HS3ST5: variants seen among roughly 807,000 people sequenced by gnomAD.
The protein encoded by HS3ST5 is heparan sulfate-glucosamine 3-sulfotransferase 5.
A neutral mutation model predicts 25.4 loss-of-function variants in HS3ST5; 10 were observed. The ratio of observed to expected loss-of-function variants is 0.39; its 90% confidence interval spans 0.24 to 0.67. HS3ST5 has a LOEUF of 0.67. HS3ST5 is among the 30% of genes least tolerant of loss of function. The probability of loss-of-function intolerance (pLI) is 0.44; values close to 1 mark genes in which losing one functional copy is unlikely to be tolerated. For missense variants in HS3ST5, 324 were observed against 420.7 expected, an observed-to-expected ratio of 0.77 and a Z score of 2.01; for synonymous variants, 170 against 162.4, an observed-to-expected ratio of 1.05 and a Z score of -0.36.
rs144951824 is a variant in HS3ST5 at position 114,261,185 on chromosome 6, T to C, written c.-338-32407A>G. Among the ~76,000 whole-genome samples the C allele has an allele frequency of 2.9e-3, 436 of 152,228 alleles. 3 individuals are homozygous for C. Among genetic ancestry groups the C allele is most frequent in the African/African-American group, 0.01 (422 of 41,538 alleles). ...GAAAAAAAATGAGGGGTTAGAGCAG[T>C]AGGTATGAAAGATAGGACTGAGAGA... On this transcript the variant is annotated intron_variant, in intron 1 of 4. Transcript: ENST00000312719.
intron 3 of HS3ST5, among the ~76,000 whole-genome samples, chr6:114,109,078 G>A (rs1441229677): frequency 6.6e-6 from 1 of 152,070 alleles, no homozygotes; most frequent in Non-Finnish European, 1.5e-5. Context: ...CAGGAGGACT[G>A]CTTAAGCCTG....
intron 1 of HS3ST5, among the ~76,000 whole-genome samples, chr6:114,335,306 G>GC (rs1409458124): frequency 1.2e-4 from 16 of 139,118 alleles, no homozygotes; most frequent in African/African-American, 4.2e-4. Context: ...TAAATGAGTG[G>GC]CAAAAAAAAA....
intron 1 of HS3ST5, among the ~76,000 whole-genome samples, chr6:114,233,274 T>A (rs1429204015): frequency 1.3e-5 from 2 of 152,196 alleles, no homozygotes; most frequent in African/African-American, 4.8e-5. Context: ...CATTACTTCA[T>A]ACCCTATAAT....
intron 3 of HS3ST5, among the ~76,000 whole-genome samples, chr6:114,111,034 A>C (rs1272515395): frequency 1.3e-5 from 2 of 152,022 alleles, no homozygotes; most frequent in Non-Finnish European, 2.9e-5. Context: ...TTCATATCCA[A>C]CTCATATTCA....
chr6:114,183,807 G>C (rs766613659), intron 2 of HS3ST5, among the ~76,000 whole-genome samples: 7 of 152,144 alleles, frequency 4.6e-5, no homozygotes, highest in Non-Finnish European at 8.8e-5. Flanking sequence ...AGAATACACA[G>C]ATAATCATGT....
rs1778317666 is a variant in HS3ST5 at position 114,149,076 on chromosome 6, A to C, written c.-33+19275T>G. 2.6e-5 allele frequency among the ~76,000 whole-genome samples: 4 copies of C among 152,234 alleles called. No homozygotes were observed. The South Asian group carries it at 8.3e-4, about 32-fold the overall frequency. On this transcript the variant is annotated intron_variant, in intron 3 of 4. Transcript: ENST00000312719. ...AAATGGTGATTATTAAAAAGTCAGGAAACAACAGATGCTGGTGAGGCTGTG... is the reference window on the plus strand; with the variant it reads ...AAATGGTGATTATTAAAAAGTCAGGCAACAACAGATGCTGGTGAGGCTGTG...
intron 3 of HS3ST5, among the ~76,000 whole-genome samples, chr6:114,095,939 C>T (rs1316849014): frequency 1.3e-5 from 2 of 152,124 alleles, no homozygotes; most frequent in African/African-American, 4.8e-5. Flanking sequence ...TAATCATTTA[C>T]AGTATAGTTC....
At chr6:114,248,776 A>AC (rs1772505986) in intron 1 of HS3ST5, among the ~76,000 whole-genome samples, 1 of 152,252 alleles carries the variant, frequency 6.6e-6, no homozygotes, top group South Asian at 2.1e-4. Context: ...TTTTAGGAAA[A>AC]TAAAAGTTAC....
intron 3 of HS3ST5, among the ~76,000 whole-genome samples, chr6:114,096,619 A>G (rs1320073797): frequency 6.6e-6 from 1 of 152,194 alleles, no homozygotes; most frequent in East Asian, 1.9e-4. Flanking sequence ...CATAAAGGGA[A>G]GTCAACTTGG....
chr6:114,081,461 C>T (rs1483625528), intron 3 of HS3ST5, among the ~76,000 whole-genome samples: 1 of 151,966 alleles, frequency 6.6e-6, no homozygotes, highest in African/African-American at 2.4e-5. Flanking sequence ...TGTAAAAGTA[C>T]AGAACTTAGA....
At chr6:114,086,352 T>C (rs764363666) in intron 3 of HS3ST5, among the ~76,000 whole-genome samples, 2 of 152,152 alleles carry the variant, frequency 1.3e-5, no homozygotes, top group Non-Finnish European at 2.9e-5. Context: ...ATTAACATAG[T>C]GTTGCTAGTT....
chr6:114,162,865 A>G (rs911033085), intron 3 of HS3ST5, among the ~76,000 whole-genome samples: 11 of 152,226 alleles, frequency 7.2e-5, no homozygotes, highest in African/African-American at 2.2e-4. Context: ...TTTTTTAAGC[A>G]TGATTTATTT....
intron 1 of HS3ST5, among the ~76,000 whole-genome samples, chr6:114,320,504 C>T (rs998190850): frequency 1.3e-5 from 2 of 152,166 alleles, no homozygotes; most frequent in East Asian, 1.9e-4. Context: ...CATATTAATT[C>T]GATTGCATCA....
Position 114,181,211 on chromosome 6 carries a change from G to A in HS3ST5, c.-144-12749C>T, listed in dbSNP as rs146837254. 6.0e-3 allele frequency among the ~76,000 whole-genome samples: 919 copies of A among 152,286 alleles called. 9 individuals carry two copies. Among genetic ancestry groups the A allele is most frequent in the African/African-American group, 0.017 (696 of 41,568 alleles). ...GCAGAGGAGAACACAGACTCAAGGTGACAAACTTGAATCCGATCCCTCTTT... is the reference window on the plus strand; with the variant it reads ...GCAGAGGAGAACACAGACTCAAGGTAACAAACTTGAATCCGATCCCTCTTT... On this transcript the variant is annotated intron_variant, in intron 2 of 4. Coordinates refer to ENST00000312719, the MANE Select transcript of HS3ST5 (RefSeq NM_153612.4).
chr6:114,324,556 G>A (rs1776097567), intron 1 of HS3ST5, among the ~76,000 whole-genome samples: 1 of 152,196 alleles, frequency 6.6e-6, no homozygotes, highest in South Asian at 2.1e-4. Flanking sequence ...TGTATTCTCT[G>A]TTTTCTTGCA....
At chr6:114,167,547 G>C (rs546008591) in intron 3 of HS3ST5, 1 of 152,232 alleles carries the variant, frequency 6.6e-6, no homozygotes, top group Admixed American at 6.5e-5. Context: ...AGATCACCCA[G>C]CTAGTAATTG....
intron 1 of HS3ST5, among the ~76,000 whole-genome samples, chr6:114,331,577 GTATTA>G (rs1343484149): frequency 6.6e-6 from 1 of 151,936 alleles, no homozygotes; most frequent in Non-Finnish European, 1.5e-5. Flanking sequence ...AGAGAATAGT[GTATTA>G]TATTTTATAT....
intron 4 of HS3ST5, among the ~76,000 whole-genome samples, chr6:114,062,069 G>T (rs1005258517): frequency 6.6e-6 from 1 of 152,194 alleles, no homozygotes; most frequent in African/African-American, 2.4e-5. Flanking sequence ...GAAGCCAGCT[G>T]ATGTTGCTGG....
intron 2 of HS3ST5, among the ~76,000 whole-genome samples, chr6:114,228,144 A>G (rs984951993): frequency 2.6e-5 from 4 of 152,180 alleles, no homozygotes; most frequent in Non-Finnish European, 5.9e-5. Flanking sequence ...ACTCACAGGC[A>G]TCAGGATAAC....
Sources: gnomAD v4.1 joint callset for allele counts (sites outside exome capture counted in the v4.1 genomes callset) on GRCh38, gnomAD v4.1.1 for gene constraint, MANE v1.5 for transcripts, NCBI Gene and HGNC (gene_info 2026-07-23, HGNC 2026-07-21) for gene names.